Variants in CAST observed in about 807,000 individuals in gnomAD.
CAST encodes the protein calpastatin, also known as MIR583 host.
A neutral mutation model predicts 119.6 loss-of-function variants in CAST; 76 were observed. The observed-to-expected ratio is 0.64, with a 90% CI of 0.53 to 0.77. The LOEUF is 0.77. Among genes scored for constraint, CAST ranks in the 30% least tolerant of loss-of-function variants. The probability of loss-of-function intolerance (pLI) is 0.00; values close to 1 mark genes in which losing one functional copy is unlikely to be tolerated. For synonymous variants in CAST, 319 were observed against 331.6 expected, an observed-to-expected ratio of 0.96 and a Z score of 0.41; for missense variants, 953 against 946.5, an observed-to-expected ratio of 1.01 and a Z score of -0.09.
the CAST span, among the ~76,000 whole-genome samples, chr5:96,476,752 G>T: frequency 6.6e-6 from 1 of 152,082 alleles, no homozygotes; most frequent in Non-Finnish European, 1.5e-5. Context: ...CACTGGAAGA[G>T]AATTATGAAA....
the CAST span, chr5:96,399,942 G>T: frequency 6.3e-7 from 1 of 1,593,094 alleles, no homozygotes; most frequent in Non-Finnish European, 8.6e-7. Flanking sequence ...AAAATTCCAG[G>T]AGATACTTAC....
the CAST span, among the ~76,000 whole-genome samples, chr5:96,183,188 A>AATAATG: frequency 6.7e-6 from 1 of 148,410 alleles, no homozygotes; most frequent in Non-Finnish European, 1.5e-5. Context: ...TAATAATAAT[A>AATAATG]ATAATAATAC....
chr5:96,583,701 A>C (rs1377925156), intron 1 of CAST, among the ~76,000 whole-genome samples: 2 of 152,224 alleles, frequency 1.3e-5, no homozygotes, highest in Admixed American at 1.3e-4. Flanking sequence ...GAGAACTGTT[A>C]AGTAACAAAC....
the CAST span, chr5:96,432,856 C>A: frequency 6.2e-7 from 1 of 1,612,800 alleles, no homozygotes; most frequent in Non-Finnish European, 8.5e-7. Context: ...AAAGTGGAAA[C>A]TCTTACCTGA....
At chr5:96,109,961 C>T in the CAST span, among the ~76,000 whole-genome samples, 2,676 of 151,800 alleles carry the variant, frequency 0.018, 25 homozygotes, top group Non-Finnish European at 0.025. Context: ...AATAAAGCAC[C>T]GCTTTTAGAA....
the CAST span, among the ~76,000 whole-genome samples, chr5:96,463,324 T>A: frequency 6.6e-6 from 1 of 152,136 alleles, no homozygotes; most frequent in African/African-American, 2.4e-5. Flanking sequence ...ATGTCAAGTG[T>A]TCTTTTCAGT....
At chr5:96,689,941 G>A (rs1346594210) in intron 2 of CAST, among the ~76,000 whole-genome samples, 1 of 152,088 alleles carries the variant, frequency 6.6e-6, no homozygotes, top group East Asian at 1.9e-4. Context: ...TTCCCATGAT[G>A]TAGGTATAGC....
chr5:96,662,474 G>A lies in CAST; in HGVS notation c.52G>A (p.Ala18Thr). ...CGCCTCCCCGCGGCCCCGGCGAGCA[G>A]CCGCCGCCCGCCGCACCCATGAGGT... ...PAASPRPRRA[A>T]AARRTHEHVS... is the part of the protein sequence containing the mutation. Residue 18 changes from alanine (A) to threonine (T), a missense_variant, in exon 1 of 32, where the codon GCC (alanine) becomes ACC (threonine). Physicochemically the swap from Ala to Thr is moderately conservative, Grantham distance 58. Transcript: ENST00000675179. 7.0e-7 allele frequency: 1 copy of A among 1,427,640 alleles called. No individual in the cohort carries two copies. The highest frequency in any genetic ancestry group is 9.1e-7 in the Non-Finnish European group (1 of 1,094,466). The allele number at this position is 1,427,640 out of a possible 1,614,324, so 88.4% of individuals were successfully genotyped here.
intron 25 of CAST, among the ~76,000 whole-genome samples, chr5:96,764,271 T>G (rs1301219210): frequency 6.6e-6 from 1 of 152,186 alleles, no homozygotes; most frequent in African/African-American, 2.4e-5. Context: ...ATCATTTACT[T>G]TTCTCAGCAA....
rs1376884174 is a variant in CAST, at chr5:96,680,315, A to C, written c.138+4714A>C. 4.4e-5 allele frequency among the ~76,000 whole-genome samples: 6 copies of C among 135,604 alleles called. No individual in the cohort carries two copies. The South Asian group carries it at 1.5e-3, about 33-fold the overall frequency. The allele number at this position is 135,604 out of a possible 152,430, so 89.0% of individuals were successfully genotyped here. A position where few individuals can be genotyped will look rare whatever the true frequency, so the allele number is the denominator to read the frequency against. On this transcript the variant is annotated intron_variant, in intron 2 of 31. Coordinates refer to ENST00000675179, the MANE Select transcript of CAST (RefSeq NM_001750.7). ...GGTTGCAGGGAGCCAAGATCACACC[A>C]CTGCACTCCAGCCTGGGCAACAGAA...
chr5:96,741,999 G>A lies in CAST; in HGVS notation c.1098+419G>A, dbSNP rs138019389. 687 of 165,770 alleles carry A rather than the reference G, an allele frequency of 4.1e-3. 13 individuals are homozygous for A. The highest frequency in any genetic ancestry group is 0.029 in the South Asian group (194 of 6,700). The allele number at this position is 165,770 out of a possible 1,614,324, so 10.3% of individuals were successfully genotyped here. A position where few individuals can be genotyped will look rare whatever the true frequency, so the allele number is the denominator to read the frequency against. On this transcript the variant is annotated intron_variant, in intron 15 of 31. Coordinates refer to ENST00000675179, the MANE Select transcript of CAST (RefSeq NM_001750.7). The stretch of plus-strand genomic sequence containing the variant: ...CACTATGACATAATTCTCACAAATC[G>A]CAAAAGGCAATCCTGCAGCTCTGTG...
At chr5:96,495,609 A>G in the CAST span, among the ~76,000 whole-genome samples, 6 of 152,144 alleles carry the variant, frequency 3.9e-5, no homozygotes, top group African/African-American at 1.4e-4. Context: ...CTTCTTTTTT[A>G]TGGCTGCATA....
chr5:96,481,036 T>A, the CAST span, among the ~76,000 whole-genome samples: 1 of 151,966 alleles, frequency 6.6e-6, no homozygotes, highest in Admixed American at 6.5e-5. Context: ...AGCTAATGGA[T>A]ACATTTCACA....
chr5:96,642,088 C>T (rs879311002), intron 1 of CAST, among the ~76,000 whole-genome samples: 2 of 152,214 alleles, frequency 1.3e-5, no homozygotes, highest in Admixed American at 6.5e-5. Context: ...ATTATCTCCC[C>T]ATGCACTGAA....
At chr5:96,005,824 A>G in the CAST span, among the ~76,000 whole-genome samples, 8 of 152,166 alleles carry the variant, frequency 5.3e-5, no homozygotes, top group Non-Finnish European at 8.8e-5. Flanking sequence ...GAGAAACAAG[A>G]AAAATGAAAG....
At chr5:96,642,543 CTTTTT>C (rs35326344) in intron 1 of CAST, among the ~76,000 whole-genome samples, 1 of 140,466 alleles carries the variant, frequency 7.1e-6, no homozygotes, top group African/African-American at 2.6e-5. Flanking sequence ...CATATAGTTC[CTTTTT>C]TTTTTTTTTT....
At position 96,691,548 on chromosome 5, in the gene CAST, G is replaced by A. The variant is rs152014; in HGVS notation, c.139-4288G>A. ...GACCCACTGGGGTTGCCCTGCAGAG[G>A]TCAGTCTGTTCCATTGCTACCTGGG... On this transcript the variant is annotated intron_variant, in intron 2 of 31. Transcript: ENST00000675179. Among the ~76,000 whole-genome samples, 452 of 152,172 alleles carry A rather than the reference G, an allele frequency of 3.0e-3. 2 individuals are homozygous for A. Among genetic ancestry groups the A allele is most frequent in the Non-Finnish European group, 4.6e-3 (315 of 68,010 alleles).
intron 1 of CAST, among the ~76,000 whole-genome samples, chr5:96,576,223 A>G (rs1746666057): frequency 6.6e-6 from 1 of 152,222 alleles, no homozygotes; most frequent in Non-Finnish European, 1.5e-5. Context: ...CACTGGCCAG[A>G]TAAAATGAGT....
the CAST span, among the ~76,000 whole-genome samples, chr5:96,379,170 T>C: frequency 6.6e-6 from 1 of 152,198 alleles, no homozygotes. Flanking sequence ...TTCTCATTAG[T>C]AGAATAAGTC....
Sources: allele counts gnomAD v4.1 joint callset (sites outside exome capture counted in the v4.1 genomes callset), GRCh38; gene constraint gnomAD v4.1.1; transcripts MANE v1.5; gene names NCBI Gene and HGNC (gene_info 2026-07-23, HGNC 2026-07-21).